MAGI2: variants seen among roughly 807,000 people sequenced by gnomAD.
MAGI2 encodes the protein membrane associated guanylate kinase, WW and PDZ domain containing 2, also known as membrane-associated guanylate kinase, WW and PDZ domain-containing protein 2.
Under a neutral mutation model 133.3 loss-of-function variants are expected in MAGI2, and 35 were observed. That is an observed-to-expected ratio of 0.26 (90% CI 0.20 to 0.35). MAGI2 has a LOEUF of 0.35. MAGI2 is among the 10% of genes least tolerant of loss of function. The pLI, the probability that MAGI2 is intolerant of heterozygous loss-of-function variation, is 1.00. For synonymous variants in MAGI2, 729 were observed against 710.6 expected (o/e 1.03, Z -0.41); for missense variants, 1,636 against 1,863.4 (o/e 0.88, Z 2.25).
chr7:78,724,154 A>G (rs997720705), intron 2 of MAGI2, among the ~76,000 whole-genome samples: 4 of 152,172 alleles, frequency 2.6e-5, no homozygotes. Flanking sequence ...AAGGAAATGT[A>G]TAGAAGAATG....
At chr7:78,269,532 C>T (rs1024025857) in intron 9 of MAGI2, among the ~76,000 whole-genome samples, 3 of 145,542 alleles carry the variant, frequency 2.1e-5, no homozygotes, top group African/African-American at 7.3e-5. Flanking sequence ...CTCTAATGAC[C>T]AGTGATGATG....
intron 2 of MAGI2, among the ~76,000 whole-genome samples, chr7:78,637,161 C>A (rs1023261697): frequency 5.9e-5 from 9 of 152,160 alleles, no homozygotes; most frequent in Non-Finnish European, 1.0e-4. Flanking sequence ...TAGCCATGTA[C>A]CGGATTCACA....
intron 1 of MAGI2, among the ~76,000 whole-genome samples, chr7:79,291,098 G>C (rs1463574866): frequency 7.5e-6 from 1 of 132,808 alleles, no homozygotes; most frequent in Non-Finnish European, 1.6e-5. Context: ...CCAGTCCTTG[G>C]CAAATACTAA....
At chr7:78,814,543 G>A (rs781298925) in intron 2 of MAGI2, among the ~76,000 whole-genome samples, 11 of 152,218 alleles carry the variant, frequency 7.2e-5, no homozygotes, top group Middle Eastern at 3.4e-3. Context: ...GTAAATTTAC[G>A]TGAATTACAT....
At chr7:78,414,517 TTAG>T (rs1383969519) in intron 6 of MAGI2, among the ~76,000 whole-genome samples, 3 of 152,006 alleles carry the variant, frequency 2.0e-5, no homozygotes, top group African/African-American at 7.2e-5. Context: ...ATTATGCTTA[TTAG>T]TAGGACAAAA....
At chr7:78,421,173 T>C (rs562672176) in intron 6 of MAGI2, among the ~76,000 whole-genome samples, 43 of 152,152 alleles carry the variant, frequency 2.8e-4, no homozygotes, top group Admixed American at 2.4e-3. Flanking sequence ...AGAAGGACTC[T>C]AGAGAAAACC....
chr7:78,910,244 C>T (rs144163580), intron 2 of MAGI2, among the ~76,000 whole-genome samples: 206 of 148,160 alleles, frequency 1.4e-3, no homozygotes, highest in African/African-American at 4.9e-3. Context: ...GCACGTGAAT[C>T]CTGGAACTTA....
At chr7:79,452,482 G>T (rs1026766875) in intron 1 of MAGI2, among the ~76,000 whole-genome samples, 1 of 152,050 alleles carries the variant, frequency 6.6e-6, no homozygotes, top group African/African-American at 2.4e-5. Flanking sequence ...CTTCGCCAGC[G>T]GTGGCTCACG....
At chr7:78,296,915 T>G (rs1797304782) in intron 9 of MAGI2, among the ~76,000 whole-genome samples, 1 of 152,122 alleles carries the variant, frequency 6.6e-6, no homozygotes, top group Admixed American at 6.6e-5. Context: ...AAGGAGTGCT[T>G]TTTTACACAG....
At chr7:78,401,935 T>G (rs964794737) in intron 6 of MAGI2, among the ~76,000 whole-genome samples, 13 of 151,842 alleles carry the variant, frequency 8.6e-5, no homozygotes, top group Non-Finnish European at 1.2e-4. Context: ...AATGGCTTTT[T>G]TTTTCAATGT....
intron 6 of MAGI2, among the ~76,000 whole-genome samples, chr7:78,371,309 C>T (rs1793889920): frequency 6.6e-6 from 1 of 151,746 alleles, no homozygotes; most frequent in Admixed American, 6.6e-5. Context: ...ATACAGAGGA[C>T]AGCAATTAAT....
At chr7:79,327,106 CT>C (rs1839751512) in intron 1 of MAGI2, among the ~76,000 whole-genome samples, 1 of 152,106 alleles carries the variant, frequency 6.6e-6, no homozygotes, top group Non-Finnish European at 1.5e-5. Context: ...TTGAATCCTG[CT>C]TTCAACTCTT....
chr7:78,646,889 A>G (rs1251655925), intron 2 of MAGI2, among the ~76,000 whole-genome samples: 8 of 151,688 alleles, frequency 5.3e-5, no homozygotes, highest in African/African-American at 1.7e-4. Flanking sequence ...AGAATCTTAC[A>G]CTCTTGGTTA....
chr7:78,463,478 A>G (rs1330047073), intron 6 of MAGI2, among the ~76,000 whole-genome samples: 2 of 152,170 alleles, frequency 1.3e-5, no homozygotes, highest in Non-Finnish European at 2.9e-5. Flanking sequence ...CTAATCAGAG[A>G]CTCTCTGAGG....
At chr7:78,412,852 C>T (rs6466210) in intron 6 of MAGI2, among the ~76,000 whole-genome samples, 5,520 of 152,090 alleles carry the variant, frequency 0.036, 345 homozygotes, top group African/African-American at 0.13. Context: ...GAACTGCAGC[C>T]GTATGTTTCT....
chr7:79,257,172 ATAATAATAGTCC>A, intron 1 of MAGI2, among the ~76,000 whole-genome samples: 1 of 152,278 alleles, frequency 6.6e-6, no homozygotes, highest in South Asian at 2.1e-4. Flanking sequence ...TATAATAATA[ATAATAATAGTCC>A]CTTGCATTTA....
chr7:79,294,174 T>A (rs1193802566), intron 1 of MAGI2, among the ~76,000 whole-genome samples: 1 of 127,874 alleles, frequency 7.8e-6, no homozygotes, highest in African/African-American at 3.1e-5. Flanking sequence ...TGAGACTCCG[T>A]CTCAAAAAAA....
At chr7:78,655,524 G>A (rs73145117) in intron 2 of MAGI2, among the ~76,000 whole-genome samples, 9,114 of 144,116 alleles carry the variant, frequency 0.063, 390 homozygotes, top group Non-Finnish European at 0.087. Context: ...TAGAGAATAC[G>A]TCTGAAACAG....
At chr7:78,109,809 T>A (rs1819176696) in intron 20 of MAGI2, among the ~76,000 whole-genome samples, 1 of 152,186 alleles carries the variant, frequency 6.6e-6, no homozygotes, top group Non-Finnish European at 1.5e-5. Flanking sequence ...GTGGGACCCA[T>A]CTAGCTACTG....
Sources: gnomAD v4.1 joint callset for allele counts (sites outside exome capture counted in the v4.1 genomes callset) on GRCh38, gnomAD v4.1.1 for gene constraint, MANE v1.5 for transcripts, NCBI Gene and HGNC (gene_info 2026-07-23, HGNC 2026-07-21) for gene names.